The following LAMA2 variants were observed in gnomAD, a reference collection of about 807,000 sequenced individuals.
LAMA2 encodes laminin subunit alpha-2.
Under a neutral mutation model 364.8 loss-of-function variants are expected in LAMA2, and 269 were observed. The observed-to-expected ratio is 0.74, with a 90% CI of 0.67 to 0.82. The LOEUF (loss-of-function observed/expected upper bound fraction) is 0.82, where lower values mean the gene tolerates loss of function less well. LAMA2 is among the 40% of genes least tolerant of loss of function. The pLI, the probability that LAMA2 is intolerant of heterozygous loss-of-function variation, is 0.00. For synonymous variants in LAMA2, 1,379 were observed against 1,370.6 expected (o/e 1.01, Z -0.14); for missense variants, 3,807 against 3,873.2 (o/e 0.98, Z 0.45).
In LAMA2 at chr6:129,454,262, A is replaced by T. The variant is rs140092288; in HGVS notation, c.6681A>T (p.Ser2227=). Residue 2227 remains serine (S), a synonymous_variant, in exon 47 of 65, where the codon TCA becomes TCT. Transcript: ENST00000421865. ...VEYPDLTIDD[S]YWYRIVASRT... ...ACCCAGATTTGACTATTGATGACTC[A>T]TATTGGTACCGTATCGTAGCATCAA... The T allele has an allele frequency of 1.2e-6, 2 of 1,612,030 alleles. No homozygotes were observed. The highest frequency in any genetic ancestry group is 4.5e-5 in the East Asian group (2 of 44,796).
intron 4 of LAMA2, among the ~76,000 whole-genome samples, chr6:129,136,891 C>A (rs75255831): frequency 0.037 from 5,551 of 152,080 alleles, 339 homozygotes; most frequent in African/African-American, 0.13. Context: ...GTCAGTGTTC[C>A]TTTTATGCGT....
intron 18 of LAMA2, among the ~76,000 whole-genome samples, chr6:129,283,828 T>A (rs1234815447): frequency 6.6e-6 from 1 of 152,034 alleles, no homozygotes; most frequent in African/African-American, 2.4e-5. Flanking sequence ...AGTCTCCTTG[T>A]GCCTTTGGGT....
chr6:129,136,971 C>T (rs116702822), intron 4 of LAMA2, among the ~76,000 whole-genome samples: 2,177 of 152,184 alleles, frequency 0.014, 53 homozygotes, highest in African/African-American at 0.05. Context: ...CCATCCGTGA[C>T]CTGTGGTCAC....
At chr6:129,065,886 C>T (rs2114807146) in intron 3 of LAMA2, among the ~76,000 whole-genome samples, 1 of 151,994 alleles carries the variant, frequency 6.6e-6, no homozygotes, top group African/African-American at 2.4e-5. Context: ...GGGGTTTCCG[C>T]TTTTGCATTT....
At chr6:128,948,793 C>A (rs1324917339) in intron 1 of LAMA2, among the ~76,000 whole-genome samples, 1 of 152,128 alleles carries the variant, frequency 6.6e-6, no homozygotes, top group Non-Finnish European at 1.5e-5. Flanking sequence ...CTTGCTCCCA[C>A]TCCCTCCATG....
At chr6:129,055,176 T>TTTATTATTA (rs1554207591) in intron 2 of LAMA2, among the ~76,000 whole-genome samples, 1 of 123,770 alleles carries the variant, frequency 8.1e-6, no homozygotes, top group African/African-American at 3.3e-5. Flanking sequence ...ATTATTATTA[T>TTTATTATTA]TTATTATTAT....
intron 12 of LAMA2, among the ~76,000 whole-genome samples, chr6:129,205,449 T>A (rs1349739831): frequency 6.8e-6 from 1 of 147,472 alleles, no homozygotes; most frequent in Non-Finnish European, 1.5e-5. Context: ...CAGTCTTACA[T>A]ACTTCTCTTC....
intron 29 of LAMA2, among the ~76,000 whole-genome samples, chr6:129,335,877 C>T (rs539985239): frequency 6.6e-6 from 1 of 152,236 alleles, no homozygotes; most frequent in South Asian, 2.1e-4. Flanking sequence ...TGTAAACACT[C>T]TCTGCTGATT....
At position 129,432,553 on chromosome 6, in the gene LAMA2, G is replaced by A. The variant is rs535623384; in HGVS notation, c.5968+4699G>A. On this transcript the variant is annotated intron_variant, in intron 41 of 64. Transcript: ENST00000421865. ...CAGAATCAGAGTCTGAGATTCTATGGCGTTTTTTGCAAGTAAGTTAATTTA... is the reference window on the plus strand; with the variant it reads ...CAGAATCAGAGTCTGAGATTCTATGACGTTTTTTGCAAGTAAGTTAATTTA... 3.3e-5 allele frequency among the ~76,000 whole-genome samples: 5 copies of A among 152,252 alleles called. No homozygotes were observed. In the South Asian group the frequency reaches 8.3e-4, roughly 25 times the overall value.
chr6:128,929,113 G>T lies in LAMA2; in HGVS notation c.112+45756G>T, dbSNP rs761367028. On this transcript the variant is annotated intron_variant, in intron 1 of 64. Coordinates refer to ENST00000421865, the MANE Select transcript of LAMA2 (RefSeq NM_000426.4). ...CTGTGGACCGCAGCAGCGTTTTCCC[G>T]TACAGATCCAAAAACTCTGGATAGG... 188 of 1,443,998 alleles carry T rather than the reference G, an allele frequency of 1.3e-4. 1 individual carries two copies. The highest frequency in any genetic ancestry group is 1.5e-4 in the Non-Finnish European group (154 of 1,028,254). 89.4% of individuals were successfully genotyped at this position (1,443,998 alleles called of 1,614,324 possible).
chr6:129,202,971 A>G (rs1782399001), intron 12 of LAMA2, among the ~76,000 whole-genome samples: 1 of 152,240 alleles, frequency 6.6e-6, no homozygotes, highest in African/African-American at 2.4e-5. Flanking sequence ...GCTAGCTGTC[A>G]CAAGACCTCT....
At chr6:128,885,366 A>G (rs1446883075) in intron 1 of LAMA2, among the ~76,000 whole-genome samples, 2 of 152,208 alleles carry the variant, frequency 1.3e-5, no homozygotes, top group Admixed American at 1.3e-4. Flanking sequence ...TCAAAGGACA[A>G]ATTTAGAACT....
chr6:128,964,845 A>C (rs1470763582), intron 1 of LAMA2, among the ~76,000 whole-genome samples: 1 of 152,028 alleles, frequency 6.6e-6, no homozygotes, highest in Non-Finnish European at 1.5e-5. Flanking sequence ...AATATATGTC[A>C]GGTAGGTTTG....
intron 14 of LAMA2, among the ~76,000 whole-genome samples, chr6:129,256,763 C>CCTAT (rs1554257717): frequency 2.3e-5 from 2 of 87,956 alleles, no homozygotes; most frequent in Admixed American, 1.3e-4. Context: ...AATTATATAG[C>CCTAT]ATATATATAT....
chr6:128,927,541 C>T (rs932304612), intron 1 of LAMA2, among the ~76,000 whole-genome samples: 11 of 152,098 alleles, frequency 7.2e-5, no homozygotes, highest in East Asian at 3.9e-4. Context: ...TACAACTTAA[C>T]GTGGCTTAAA....
intron 4 of LAMA2, among the ~76,000 whole-genome samples, chr6:129,130,446 G>T (rs1013962810): frequency 3.9e-5 from 6 of 152,152 alleles, no homozygotes; most frequent in Non-Finnish European, 8.8e-5. Flanking sequence ...TTAAAAGACT[G>T]CCACACTTAG....
At chr6:129,473,412 A>T in intron 52 of LAMA2, 60 bp downstream of exon 52, 1 of 1,500,300 alleles carries the variant, frequency 6.7e-7, no homozygotes, top group Non-Finnish European at 9.3e-7. Flanking sequence ...CACTATGCTC[A>T]CTAGAGTTCT....
chr6:128,977,444 A>G (rs985161250), intron 1 of LAMA2, among the ~76,000 whole-genome samples: 1 of 151,348 alleles, frequency 6.6e-6, no homozygotes, highest in Non-Finnish European at 1.5e-5. Context: ...TTTGTTTTTC[A>G]TAGAGATGAG....
intron 19 of LAMA2, among the ~76,000 whole-genome samples, chr6:129,291,327 G>C (rs1789687118): frequency 6.6e-6 from 1 of 152,132 alleles, no homozygotes; most frequent in Non-Finnish European, 1.5e-5. Context: ...TTGAATTTCA[G>C]TGTCTTCATG....
Sources: gnomAD v4.1 joint callset for allele counts (sites outside exome capture counted in the v4.1 genomes callset) on GRCh38, gnomAD v4.1.1 for gene constraint, MANE v1.5 for transcripts, NCBI Gene and HGNC (gene_info 2026-07-23, HGNC 2026-07-21) for gene names.